The following CTSB variants were observed in gnomAD, a reference collection of about 807,000 sequenced individuals.
The protein encoded by CTSB is APP secretase.
Under a neutral mutation model 44.3 loss-of-function variants are expected in CTSB, and 57 were observed. The observed-to-expected ratio is 1.29, with a 90% CI of 1.04 to 1.60. CTSB has a LOEUF of 1.60. Ranked by LOEUF, CTSB falls within the 40% of genes most tolerant of loss-of-function variation. The pLI is 0.00. For synonymous variants in CTSB, 320 were observed against 168.0 expected (o/e 1.91, Z -7.00); for missense variants, 768 against 443.0 (o/e 1.73, Z -6.59).
chr8:11,862,854 C>T (rs1398430320), intron 1 of CTSB, among the ~76,000 whole-genome samples: 2 of 152,232 alleles, frequency 1.3e-5, no homozygotes, highest in African/African-American at 2.4e-5. Flanking sequence ...CTACTGGTCC[C>T]GTTACCATCT....
In CTSB at chr8:11,853,286, G is replaced by A. The variant is rs750414611; in HGVS notation, c.126+43C>T. 6.2e-6 allele frequency: 10 copies of A among 1,607,570 alleles called. No homozygotes were observed. The East Asian group carries it at 1.8e-4, about 29-fold the overall frequency. On this transcript the variant is annotated intron_variant, in intron 2 of 9. Transcript: ENST00000353047. ...TTCCTGGAGTCAGTGTGCACAGACC[G>A]ACCTGGGAGGGGACATACATAGGAC...
chr8:11,845,749 A>G lies in CTSB; in HGVS notation c.834T>C (p.His278=), dbSNP rs1024186667. 6.2e-7 allele frequency: 1 copy of G among 1,613,906 alleles called. No individual in the cohort carries two copies. The highest frequency in any genetic ancestry group is 1.7e-5 in the Admixed American group (1 of 59,994). ...CTCCCCAGCCCAGGATGCGGATGGC[A>G]TGGCCACCCATCATCTCTCCGGTGA... ...QHVTGEMMGG[H]AIRILGWGVE... Residue 278 remains histidine (H), a synonymous_variant, in exon 9 of 10, where the codon CAT becomes CAC. Coordinates refer to ENST00000353047, the MANE Select transcript of CTSB (RefSeq NM_001908.5).
chr8:11,862,957 A>C (rs143345827), intron 1 of CTSB, among the ~76,000 whole-genome samples: 2,902 of 152,298 alleles, frequency 0.019, 52 homozygotes, highest in Middle Eastern at 0.051. Flanking sequence ...GGCCTGGTAA[A>C]GACAGATAAC....
intron 1 of CTSB, among the ~76,000 whole-genome samples, chr8:11,861,790 GATTAGTGTTCTGCTC>G (rs1461867960): frequency 1.2e-4 from 18 of 152,326 alleles, no homozygotes; most frequent in East Asian, 3.9e-4. Flanking sequence ...ATTGCAATGA[GATTAGTGTTCTGCTC>G]ATTAGTGTTC....
At chr8:11,866,628 G>A (rs1436028566) in intron 1 of CTSB, among the ~76,000 whole-genome samples, 1 of 152,254 alleles carries the variant, frequency 6.6e-6, no homozygotes, top group South Asian at 2.1e-4. Context: ...GGGAGGCCGA[G>A]ACAGGCGGAT....
chr8:11,847,241 C>T (rs1586092716), intron 7 of CTSB, 73 bp from the exon 8 acceptor site: 1 of 960,388 alleles, frequency 1.0e-6, no homozygotes, highest in East Asian at 2.4e-5. Context: ...GTCAGCCAGT[C>T]ACTGATTTCT....
chr8:11,856,777 C>A (rs1398889089), intron 1 of CTSB, among the ~76,000 whole-genome samples: 1 of 151,624 alleles, frequency 6.6e-6, no homozygotes, highest in Non-Finnish European at 1.5e-5. Flanking sequence ...CCACTACATG[C>A]AAAATGCCAA....
chr8:11,867,522 A>C (rs1312597113), intron 1 of CTSB: 7 of 152,286 alleles, frequency 4.6e-5, no homozygotes, highest in Admixed American at 6.5e-5. Context: ...TTGGCCAGGC[A>C]AATCCTTCGC....
chr8:11,855,274 C>A (rs1815321527), intron 1 of CTSB, among the ~76,000 whole-genome samples: 1 of 152,188 alleles, frequency 6.6e-6, no homozygotes. Context: ...CCTGACTCAG[C>A]CTCCCAAAGT....
rs975539876 is a variant in CTSB at position 11,847,802 on chromosome 8, G to A, written c.553C>T (p.Pro185Ser). 4 of 1,598,394 alleles carry A rather than the reference G, an allele frequency of 2.5e-6. No homozygotes were observed. The highest frequency in any genetic ancestry group is 3.4e-6 in the Non-Finnish European group (4 of 1,175,624). ...CCGTTGACGTGGTGCTCACAGGGAG[G>A]GATGGAGTACGGTCTGCACCCTGAT... ...SHVGCRPYSI[P>S]PCEHHVNGSR... Residue 185 changes from proline (P) to serine (S), a missense_variant, in exon 7 of 10, where the codon CCT becomes TCT. Physicochemically the swap from Pro to Ser is moderately conservative, Grantham distance 74. Coordinates refer to ENST00000353047, the MANE Select transcript of CTSB (RefSeq NM_001908.5).
intron 3 of CTSB, 73 bp from the exon 4 acceptor site, chr8:11,851,053 T>A: frequency 9.6e-7 from 1 of 1,045,980 alleles, no homozygotes; most frequent in Non-Finnish European, 1.4e-6. Context: ...AAGGCCACTT[T>A]GGCTGGGCCA....
intron 1 of CTSB, chr8:11,857,913 G>A (rs943842213): frequency 7.7e-6 from 1 of 130,476 alleles, no homozygotes; most frequent in Non-Finnish European, 1.7e-5. Context: ...ATGGTATCCA[G>A]GTTGGGGCTC....
At chr8:11,861,084 T>C (rs1008240446) in intron 1 of CTSB, among the ~76,000 whole-genome samples, 10 of 152,236 alleles carry the variant, frequency 6.6e-5, no homozygotes, top group African/African-American at 1.9e-4. Flanking sequence ...AATGGAACTG[T>C]GTTTAGTAGA....
At chr8:11,859,347 T>G (rs886663859) in intron 1 of CTSB, among the ~76,000 whole-genome samples, 1 of 152,020 alleles carries the variant, frequency 6.6e-6, no homozygotes, top group Admixed American at 6.6e-5. Flanking sequence ...ATAGGGACCT[T>G]GCGATCCTGG....
At chr8:11,864,912 A>G (rs952781612) in intron 1 of CTSB, among the ~76,000 whole-genome samples, 5 of 148,390 alleles carry the variant, frequency 3.4e-5, no homozygotes, top group African/African-American at 1.2e-4. Flanking sequence ...AACTGTCTCA[A>G]AAAAAAAAAG....
rs1812791524 is a variant in CTSB, at chr8:11,844,190, TAAG to T, written c.*932_*934del. The stretch of plus-strand genomic sequence containing the variant: ...AAACATGGCTGGGGCAGCGAGAAGT[TAAG>T]ATGAAGTCCCAAGAGTCGCAAGAAC... On this transcript the variant is annotated 3_prime_UTR_variant, in exon 10 of 10. Coordinates refer to ENST00000353047, the MANE Select transcript of CTSB (RefSeq NM_001908.5). 1 of 152,118 alleles carries T rather than the reference TAAG, an allele frequency of 6.6e-6. No individual in the cohort carries two copies. Among genetic ancestry groups the T allele is most frequent in the African/African-American group, 2.4e-5 (1 of 41,414 alleles). The allele number at this position is 152,118 out of a possible 1,614,324, so 9.4% of individuals were successfully genotyped here.
At chr8:11,847,627 C>G in intron 7 of CTSB, 52 bp downstream of exon 7, 2 of 1,495,824 alleles carry the variant, frequency 1.3e-6, no homozygotes, top group Non-Finnish European at 1.8e-6. Flanking sequence ...AGGAGGGATG[C>G]AGCAGCTCCC....
intron 1 of CTSB, among the ~76,000 whole-genome samples, chr8:11,859,332 G>A (rs1816014777): frequency 6.6e-6 from 1 of 152,106 alleles, no homozygotes; most frequent in African/African-American, 2.4e-5. Flanking sequence ...CCGTTTCCAG[G>A]ACAAATAGGG....
chr8:11,854,184 A>G (rs1283224822), intron 1 of CTSB, among the ~76,000 whole-genome samples: 2 of 152,210 alleles, frequency 1.3e-5, no homozygotes, highest in African/African-American at 2.4e-5. Context: ...GAGCAGCTCA[A>G]CAAAAGCAAT....
Sources: allele counts gnomAD v4.1 joint callset (sites outside exome capture counted in the v4.1 genomes callset), GRCh38; gene constraint gnomAD v4.1.1; transcripts MANE v1.5; gene names NCBI Gene and HGNC (gene_info 2026-07-23, HGNC 2026-07-21).